Variants in ATP2B3 observed in about 807,000 individuals in gnomAD.
ATP2B3 encodes the protein ATPase plasma membrane Ca2+ transporting 3, also known as plasma membrane calcium-transporting ATPase 3.
A neutral mutation model predicts 70.8 loss-of-function variants in ATP2B3; 12 were observed. The observed-to-expected ratio is 0.17, with a 90% CI of 0.11 to 0.27. The LOEUF is 0.27. Among genes scored for constraint, ATP2B3 ranks in the 10% least tolerant of loss-of-function variants. The probability of loss-of-function intolerance (pLI) is 1.00; values close to 1 mark genes in which losing one functional copy is unlikely to be tolerated. For synonymous variants in ATP2B3, 460 were observed against 497.8 expected (o/e 0.92, Z 1.01); for missense variants, 858 against 1,118.5 (o/e 0.77, Z 3.32).
chrX:153,542,600 C>T lies in ATP2B3; in HGVS notation c.790+152C>T, dbSNP rs1008187868. On this transcript the variant is annotated intron_variant, in intron 6 of 21. Coordinates refer to ENST00000263519, the MANE Select transcript of ATP2B3 (RefSeq NM_001001344.3). Reference sequence around the variant, plus strand: ...AGGTTGGGAATCTGAAGACTCCGCCCGTCTTGAGGCCTGATGGTGGCAGCT... The same window carrying T: ...AGGTTGGGAATCTGAAGACTCCGCCTGTCTTGAGGCCTGATGGTGGCAGCT... 6.1e-6 allele frequency: 5 copies of T among 815,849 alleles called. No homozygotes were observed. In the East Asian group the frequency reaches 1.8e-4, roughly 29 times the overall value. The allele number at this position is 815,849 out of a possible 1,213,427, so 67.2% of individuals were successfully genotyped here.
intron 16 of ATP2B3, 118 bp from the exon 17 acceptor site, chrX:153,557,994 G>A: frequency 6.0e-6 from 4 of 667,008 alleles, no homozygotes; most frequent in Non-Finnish European, 8.7e-6. Context: ...GGGGCGGGGT[G>A]GGATGTTATT....
At chrX:153,562,344 C>CT in intron 20 of ATP2B3, 102 bp downstream of exon 20, 5 of 746,295 alleles carry the variant, frequency 6.7e-6, no homozygotes. Flanking sequence ...GGTCCTCACC[C>CT]TAGGAAGCAC....
chrX:153,530,486 A>T (rs1485529190), intron 2 of ATP2B3, among the ~76,000 whole-genome samples: 8 of 112,773 alleles, frequency 7.1e-5, no homozygotes, highest in African/African-American at 2.6e-4. Flanking sequence ...TGCCACCTCC[A>T]GGGTGTTTCT....
Position 153,547,974 on chromosome X carries a change from G to C in ATP2B3, c.1098G>C (p.Lys366Asn), listed in dbSNP as rs781899411. 2 of 1,206,516 alleles carry C rather than the reference G, an allele frequency of 1.7e-6. No individual in the cohort carries two copies. The highest frequency in any genetic ancestry group is 2.2e-5 in the Admixed American group (1 of 45,633). ...CTGTCCTTCAGGGGAAGCTCACAAA[G>C]CTAGCCGTGCAGATCGGGAAAGCAG... ...EKSVLQGKLT[K>N]LAVQIGKAGL... The change falls in exon 9 of 22, where the codon AAG (lysine) becomes AAC (asparagine). Residue 366 changes from lysine to asparagine, a missense_variant. Coordinates refer to ENST00000263519, the MANE Select transcript of ATP2B3 (RefSeq NM_001001344.3).
In ATP2B3 at chrX:153,536,416, A is replaced by T; in HGVS notation, c.169A>T (p.Ser57Cys). 1 of 1,203,983 alleles carries T rather than the reference A, an allele frequency of 8.3e-7. No individual in the cohort carries two copies. The highest frequency in any genetic ancestry group is 1.1e-6 in the Non-Finnish European group (1 of 892,606). ...GATCGAGGAGGCCTACGGGGATGTCAGCGGGCTCTGCCGGAGGCTGAAGAC... is the reference window on the plus strand; with the variant it reads ...GATCGAGGAGGCCTACGGGGATGTCTGCGGGCTCTGCCGGAGGCTGAAGAC... ...QKIEEAYGDVSGLCRRLKTSP... is the reference protein window; with the variant it reads ...QKIEEAYGDVCGLCRRLKTSP... Residue 57 changes from serine (S) to cysteine (C), a missense_variant, in exon 3 of 22, where the codon AGC becomes TGC. Transcript: ENST00000263519.
chrX:153,530,699 C>T (rs782821062), intron 2 of ATP2B3, among the ~76,000 whole-genome samples: 3 of 110,127 alleles, frequency 2.7e-5, no homozygotes, highest in South Asian at 7.8e-4. Flanking sequence ...GGGGAGGGGG[C>T]GCCATGGTGA....
chrX:153,549,417 G>T (rs372052986), intron 10 of ATP2B3, 80 bp from the exon 11 acceptor site: 8 of 1,190,284 alleles, frequency 6.7e-6, no homozygotes, highest in African/African-American at 1.8e-5. Flanking sequence ...ACAGAGTCAC[G>T]CGATGTTTGT....
rs145687373 is a variant in ATP2B3 at position 153,571,220 on chromosome X, G to A, written c.3342+6117G>A. 1.2e-3 allele frequency among the ~76,000 whole-genome samples: 135 copies of A among 112,502 alleles called. No homozygotes were observed. The South Asian group carries it at 0.03, about 25-fold the overall frequency. The stretch of plus-strand genomic sequence containing the variant: ...TCGCCGCCACTCCACCCAGAGAGGC[G>A]GACAGGAGGCTCTGCCAAGTCAGTT... On this transcript the variant is annotated intron_variant, in intron 21 of 21. Transcript: ENST00000263519.
In ATP2B3 at chrX:153,536,290, C is replaced by T; in HGVS notation, c.43C>T (p.Pro15Ser). 8.3e-7 allele frequency: 1 copy of T among 1,199,314 alleles called. No homozygotes were observed. The highest frequency in any genetic ancestry group is 1.1e-6 in the Non-Finnish European group (1 of 889,248). ...ANSSIEFHPKPQQQRDVPQAG... is the reference protein window; with the variant it reads ...ANSSIEFHPKSQQQRDVPQAG... ...TAGTTCCATCGAGTTCCACCCCAAG[C>T]CCCAGCAGCAGCGGGATGTCCCCCA... The change falls in exon 3 of 22, where the codon CCC becomes TCC. Residue 15 changes from proline to serine, a missense_variant. Transcript: ENST00000263519.
chrX:153,525,968 G>C (rs2090026104), intron 2 of ATP2B3, among the ~76,000 whole-genome samples: 1 of 113,299 alleles, frequency 8.8e-6, no homozygotes, highest in South Asian at 3.6e-4. Flanking sequence ...GGCTGTGTCT[G>C]TAGGTGGGAT....
chrX:153,551,578 A>G (rs2090457359), intron 12 of ATP2B3, among the ~76,000 whole-genome samples: 2 of 111,802 alleles, frequency 1.8e-5, no homozygotes, highest in South Asian at 7.5e-4. Context: ...GATGACGTCC[A>G]GTTGATCTAT....
In ATP2B3 at chrX:153,564,944, C is replaced by T; in HGVS notation, c.3183C>T (p.Ser1061=). The change falls in exon 21 of 22, where the codon AGC becomes AGT. Residue 1061 remains serine (S), a synonymous_variant. Coordinates refer to ENST00000263519, the MANE Select transcript of ATP2B3 (RefSeq NM_001001344.3). ...WGQVIATIPT[S]QLKCLKEAGH... ...AGGTCATTGCCACCATCCCCACCAG[C>T]CAGCTCAAGTGCCTGAAGGAAGCCG... is the stretch of plus-strand genomic sequence containing the variant. The T allele has an allele frequency of 1.7e-6, 2 of 1,195,876 alleles. No individual in the cohort carries two copies. The highest frequency in any genetic ancestry group is 3.0e-5 in the East Asian group (1 of 33,177).
intron 13 of ATP2B3, among the ~76,000 whole-genome samples, chrX:153,555,029 A>G (rs2090513979): frequency 8.9e-6 from 1 of 112,317 alleles, no homozygotes; most frequent in African/African-American, 3.2e-5. Flanking sequence ...TCGCTGGCTC[A>G]AAGGAGAATT....
chrX:153,568,161 G>A (rs2090737847), intron 21 of ATP2B3, among the ~76,000 whole-genome samples: 1 of 112,009 alleles, frequency 8.9e-6, no homozygotes, highest in African/African-American at 3.2e-5. Flanking sequence ...GCACCAGATG[G>A]ACAGGGTGTC....
chrX:153,560,973 A>G, intron 19 of ATP2B3, 86 bp downstream of exon 19: 1 of 1,067,636 alleles, frequency 9.4e-7, no homozygotes, highest in Non-Finnish European at 1.3e-6. Context: ...CACCCCTAGT[A>G]CTGGCCTCCC....
intron 7 of ATP2B3, among the ~76,000 whole-genome samples, chrX:153,545,765 G>A (rs143552596): frequency 0.012 from 1,349 of 112,157 alleles, 24 homozygotes; most frequent in African/African-American, 0.042. Context: ...GGGAGCAGAC[G>A]TCCCGACTTG....
chrX:153,546,030 G>A lies in ATP2B3; in HGVS notation c.917-58G>A, dbSNP rs971076031. 288 of 1,183,716 alleles carry A rather than the reference G, an allele frequency of 2.4e-4. 1 individual carries two copies. Among genetic ancestry groups the A allele is most frequent in the Non-Finnish European group, 3.0e-4 (259 of 872,695 alleles). Reference sequence around the variant, plus strand: ...CCCTCCTCCCCACCCCCTCTGCCACGCGGCCCCCAGGCTGGTGTCCTCAAG... The same window carrying A: ...CCCTCCTCCCCACCCCCTCTGCCACACGGCCCCCAGGCTGGTGTCCTCAAG... On this transcript the variant is annotated intron_variant, in intron 7 of 21. Coordinates refer to ENST00000263519, the MANE Select transcript of ATP2B3 (RefSeq NM_001001344.3).
intron 2 of ATP2B3, among the ~76,000 whole-genome samples, chrX:153,531,540 G>A (rs993120964): frequency 8.8e-6 from 1 of 113,131 alleles, no homozygotes; most frequent in Non-Finnish European, 1.9e-5. Flanking sequence ...GCCTTCAGGA[G>A]GGCCCACGGT....
At chrX:153,536,838 AG>A (rs1233225541) in intron 3 of ATP2B3, among the ~76,000 whole-genome samples, 2 of 112,481 alleles carry the variant, frequency 1.8e-5, no homozygotes, top group African/African-American at 6.5e-5. Flanking sequence ...TGTTCACTTA[AG>A]GGGGATCAGA....
Sources: allele counts gnomAD v4.1 joint callset (sites outside exome capture counted in the v4.1 genomes callset), GRCh38; gene constraint gnomAD v4.1.1; transcripts MANE v1.5; gene names NCBI Gene and HGNC (gene_info 2026-07-23, HGNC 2026-07-21).